DHTKD1: variants seen among roughly 807,000 people sequenced by gnomAD.
DHTKD1 encodes the protein dehydrogenase E1 and transketolase domain containing 1.
DHTKD1 carries 78 observed loss-of-function variants against 101.8 expected under a neutral mutation model. The ratio of observed to expected loss-of-function variants is 0.77; its 90% CI spans 0.64 to 0.93. The LOEUF (loss-of-function observed/expected upper bound fraction) is 0.93, where lower values mean the gene tolerates loss of function less well. Ranked by LOEUF, DHTKD1 falls within the 40% of genes least tolerant of loss-of-function variation. The pLI, the probability that DHTKD1 is intolerant of heterozygous loss-of-function variation, is 0.00. For missense variants in DHTKD1, 1,223 were observed against 1,161.7 expected (o/e 1.05, Z -0.77); for synonymous variants, 462 against 450.3 (o/e 1.03, Z -0.33).
At chr10:12,083,578 T>A (rs1198426663) in intron 2 of DHTKD1, among the ~76,000 whole-genome samples, 5 of 151,938 alleles carry the variant, frequency 3.3e-5, no homozygotes, top group Non-Finnish European at 5.9e-5. Context: ...ATACTAAAAA[T>A]AAAAAATTAG....
rs1199110754 is a variant in DHTKD1, at chr10:12,107,047, C to T, written c.2047+651C>T. Among the ~76,000 whole-genome samples the T allele has an allele frequency of 6.7e-6, 1 of 149,654 alleles. No homozygotes were observed. The highest frequency in any genetic ancestry group is 2.1e-4 in the South Asian group (1 of 4,738). On this transcript the variant is annotated intron_variant, in intron 11 of 16. Transcript: ENST00000263035. The surrounding 1 kb of genome is among the most constrained non-coding windows in gnomAD (Gnocchi z 4.1). The stretch of plus-strand genomic sequence containing the variant: ...TCACCCAGGCTGGAGTGCAGTGGTG[C>T]GATCTCGGCTCACTGCAAGCTCCGC...
intron 1 of DHTKD1, among the ~76,000 whole-genome samples, chr10:12,078,811 C>T (rs988075215): frequency 5.9e-5 from 9 of 152,050 alleles, no homozygotes; most frequent in African/African-American, 1.4e-4. Flanking sequence ...TCCACAGGCA[C>T]GTGCGACCAC....
intron 1 of DHTKD1, among the ~76,000 whole-genome samples, chr10:12,071,712 G>A (rs1832653389): frequency 6.6e-6 from 1 of 152,138 alleles, no homozygotes; most frequent in African/African-American, 2.4e-5. Flanking sequence ...CAGATCACTT[G>A]AGACAGGGTC....
In DHTKD1 at chr10:12,097,759, T is replaced by G; in HGVS notation, c.1434T>G (p.Ser478=). The change falls in exon 8 of 17, where the codon TCT becomes TCG. Residue 478 remains serine (S), a synonymous_variant. Transcript: ENST00000263035. ...AGGLMTQEEV[S]EIKSSYYAKL... Reference sequence around the variant, plus strand: ...GACTCATGACGCAGGAGGAGGTGTCTGAAATAAAATCCTCCTACTATGCCA... The same window carrying G: ...GACTCATGACGCAGGAGGAGGTGTCGGAAATAAAATCCTCCTACTATGCCA... The G allele has an allele frequency of 6.2e-7, 1 of 1,614,188 alleles. No individual in the cohort carries two copies. Among genetic ancestry groups the G allele is most frequent in the Non-Finnish European group, 8.5e-7 (1 of 1,180,028 alleles).
intron 7 of DHTKD1, among the ~76,000 whole-genome samples, chr10:12,095,298 A>G (rs1214584707): frequency 6.6e-6 from 1 of 152,226 alleles, no homozygotes; most frequent in African/African-American, 2.4e-5. Flanking sequence ...AACACTTAGC[A>G]TGTAAAATAT....
chr10:12,086,337 C>T (rs1832897972), intron 3 of DHTKD1, among the ~76,000 whole-genome samples: 2 of 150,582 alleles, frequency 1.3e-5, no homozygotes, highest in Non-Finnish European at 2.9e-5. Flanking sequence ...TCTCCTGCCT[C>T]AGCCTCCCAA....
intron 7 of DHTKD1, among the ~76,000 whole-genome samples, chr10:12,095,488 G>A (rs920394517): frequency 1.3e-5 from 2 of 150,926 alleles, no homozygotes; most frequent in Non-Finnish European, 1.5e-5. Flanking sequence ...GACCGGCCTG[G>A]CCAACATGGT....
At chr10:12,073,879 C>T (rs1416900116) in intron 1 of DHTKD1, among the ~76,000 whole-genome samples, 3 of 152,210 alleles carry the variant, frequency 2.0e-5, no homozygotes, top group Non-Finnish European at 4.4e-5. Flanking sequence ...CTCAGGACTT[C>T]ATTCAAATAA....
intron 1 of DHTKD1, among the ~76,000 whole-genome samples, chr10:12,069,846 C>G (rs1476922490): frequency 6.6e-6 from 1 of 151,782 alleles, no homozygotes; most frequent in East Asian, 1.9e-4. Flanking sequence ...CCTAGAAAAC[C>G]AGCTCTTTAA....
intron 2 of DHTKD1, among the ~76,000 whole-genome samples, chr10:12,082,203 C>T (rs1167911573): frequency 6.6e-6 from 1 of 152,136 alleles, no homozygotes; most frequent in Non-Finnish European, 1.5e-5. Context: ...CTCAAAATCA[C>T]TCCCAAAAGT....
chr10:12,115,372 T>C (rs1218925584), intron 13 of DHTKD1, among the ~76,000 whole-genome samples: 5 of 152,274 alleles, frequency 3.3e-5, no homozygotes, highest in African/African-American at 9.6e-5. Flanking sequence ...GCTGGGATTA[T>C]AGGTGTGAGC....
intron 1 of DHTKD1, among the ~76,000 whole-genome samples, chr10:12,077,744 C>T (rs1158172940): frequency 6.6e-6 from 1 of 151,988 alleles, no homozygotes; most frequent in Non-Finnish European, 1.5e-5. Context: ...GTGAGGGCCA[C>T]TGAGTACCTT....
At chr10:12,105,370 C>CAGT (rs1833226891) in intron 10 of DHTKD1, among the ~76,000 whole-genome samples, 1 of 151,976 alleles carries the variant, frequency 6.6e-6, no homozygotes, top group African/African-American at 2.4e-5. Context: ...GGCTGGAGTG[C>CAGT]AGTGGTGCGA....
chr10:12,086,298 G>A (rs1218069858), intron 3 of DHTKD1, among the ~76,000 whole-genome samples: 2 of 134,264 alleles, frequency 1.5e-5, no homozygotes, highest in Admixed American at 8.7e-5. Flanking sequence ...TCAGCTCACT[G>A]TAACCTCTGC....
chr10:12,079,637 C>T (rs1349446132), intron 1 of DHTKD1, among the ~76,000 whole-genome samples: 4 of 152,108 alleles, frequency 2.6e-5, no homozygotes, highest in Non-Finnish European at 2.9e-5. Context: ...CACTGCACTC[C>T]AGCCTGGCGA....
chr10:12,086,434 T>C (rs1441308117), intron 3 of DHTKD1, among the ~76,000 whole-genome samples: 1 of 151,708 alleles, frequency 6.6e-6, no homozygotes, highest in Non-Finnish European at 1.5e-5. Flanking sequence ...TTAGTCAGGA[T>C]GGTCTCGATC....
Position 12,106,706 on chromosome 10 carries a change from C to T in DHTKD1, c.2047+310C>T, listed in dbSNP as rs543299422. On this transcript the variant is annotated intron_variant, in intron 11 of 16. Coordinates refer to ENST00000263035, the MANE Select transcript of DHTKD1 (RefSeq NM_018706.7). The stretch of plus-strand genomic sequence containing the variant: ...AGCTTCCGAAGCAGTACCTGCTCAC[C>T]GTAAAAATTAGAAGTAATTGAAGTA... 1.6e-4 allele frequency among the ~76,000 whole-genome samples: 25 copies of T among 152,304 alleles called. No individual in the cohort carries two copies. The East Asian group carries it at 3.7e-3, about 22-fold the overall frequency.
Position 12,091,671 on chromosome 10 carries a change from C to T in DHTKD1, c.1146C>T (p.Tyr382=), listed in dbSNP as rs773303247. 6.2e-6 allele frequency: 10 copies of T among 1,613,742 alleles called. No individual in the cohort carries two copies. Among genetic ancestry groups the T allele is most frequent in the South Asian group, 3.3e-5 (3 of 91,036 alleles). Residue 382 remains tyrosine, a synonymous_variant, in exon 6 of 17, where the codon TAC becomes TAT. Coordinates refer to ENST00000263035, the MANE Select transcript of DHTKD1 (RefSeq NM_018706.7). ...TPAERGRSSL[Y]CSDIGKLVGC... ...CTGAAAGAGGAAGGTCTTCTTTATA[C>T]TGCAGTGATATTGGTACGTAACACA...
chr10:12,109,568 C>T (rs1833298692), intron 12 of DHTKD1, among the ~76,000 whole-genome samples: 1 of 151,506 alleles, frequency 6.6e-6, no homozygotes, highest in Non-Finnish European at 1.5e-5. Flanking sequence ...ATAGTCCAAC[C>T]TCAGAGGATG....
Sources: allele counts gnomAD v4.1 joint callset (sites outside exome capture counted in the v4.1 genomes callset), GRCh38; gene constraint gnomAD v4.1.1; non-coding constraint Gnocchi (gnomAD v3.1); transcripts MANE v1.5; gene names NCBI Gene and HGNC (gene_info 2026-07-23, HGNC 2026-07-21).